Variants in CCDC85A observed in about 807,000 individuals in gnomAD.
The protein encoded by CCDC85A is coiled-coil domain-containing protein 85A.
In CCDC85A, 38 loss-of-function variants were observed where a neutral mutation model predicts 50.2. The observed-to-expected ratio is 0.76, with a 90% CI of 0.58 to 0.99. CCDC85A has a LOEUF of 0.99. Ranked by LOEUF, CCDC85A falls within the 50% of genes least tolerant of loss-of-function variation. The pLI is 0.00. For missense variants in CCDC85A, 820 were observed against 742.0 expected (o/e 1.11, Z -1.22); for synonymous variants, 366 against 301.4 (o/e 1.21, Z -2.22).
intron 2 of CCDC85A, among the ~76,000 whole-genome samples, chr2:56,243,804 A>T (rs1230597352): frequency 6.6e-6 from 1 of 152,104 alleles, no homozygotes; most frequent in Non-Finnish European, 1.5e-5. Flanking sequence ...ATTTGAAGGG[A>T]CCTTGGTATT....
intron 2 of CCDC85A, among the ~76,000 whole-genome samples, chr2:56,203,697 G>A (rs796386270): frequency 2.0e-5 from 3 of 152,194 alleles, no homozygotes; most frequent in African/African-American, 7.2e-5. Flanking sequence ...TCACCCATAT[G>A]TTAAGGTAAT....
chr2:56,197,935 C>G (rs1167506362), intron 2 of CCDC85A, among the ~76,000 whole-genome samples: 3 of 152,162 alleles, frequency 2.0e-5, no homozygotes, highest in South Asian at 4.1e-4. Context: ...ACATGAGTTT[C>G]TAACCTATTT....
At chr2:56,218,305 T>G (rs1331843176) in intron 2 of CCDC85A, among the ~76,000 whole-genome samples, 2 of 151,874 alleles carry the variant, frequency 1.3e-5, no homozygotes, top group African/African-American at 4.8e-5. Flanking sequence ...GAATAAGTTT[T>G]GTAGTTCTCT....
intron 2 of CCDC85A, among the ~76,000 whole-genome samples, chr2:56,335,209 G>T (rs1299780223): frequency 6.6e-6 from 1 of 152,084 alleles, no homozygotes; most frequent in African/African-American, 2.4e-5. Context: ...CTTGCCTGAA[G>T]AAGAAAAACA....
chr2:56,186,471 A>G (rs942244941), intron 1 of CCDC85A, among the ~76,000 whole-genome samples: 4 of 152,194 alleles, frequency 2.6e-5, no homozygotes, highest in Non-Finnish European at 5.9e-5. Flanking sequence ...TGACTATAAA[A>G]TGGTAGTTAC....
chr2:56,351,284 C>T (rs1192895368), intron 3 of CCDC85A, among the ~76,000 whole-genome samples: 1 of 152,012 alleles, frequency 6.6e-6, no homozygotes, highest in African/African-American at 2.4e-5. Flanking sequence ...CAAGTCTTTG[C>T]TATTGTGAAT....
At chr2:56,345,519 C>T (rs1486097347) in intron 3 of CCDC85A, among the ~76,000 whole-genome samples, 1 of 152,172 alleles carries the variant, frequency 6.6e-6, no homozygotes, top group Non-Finnish European at 1.5e-5. Context: ...AACAGGATTT[C>T]TGTTAAATTT....
Position 56,378,280 on chromosome 2 carries a change from G to T in CCDC85A, c.1572+2345G>T, listed in dbSNP as rs376896947. On this transcript the variant is annotated intron_variant, in intron 5 of 5. Coordinates refer to ENST00000407595, the MANE Select transcript of CCDC85A (RefSeq NM_001080433.2). ...TGATAGATTTTATAGAAAACGCTAG[G>T]CTTTATAAAATCTGTGGTCATGGTT... 1.7e-4 allele frequency among the ~76,000 whole-genome samples: 26 copies of T among 148,724 alleles called. No individual in the cohort carries two copies. The East Asian group carries it at 5.0e-3, about 29-fold the overall frequency.
chr2:56,199,942 C>G (rs575007129), intron 2 of CCDC85A, among the ~76,000 whole-genome samples: 1 of 152,292 alleles, frequency 6.6e-6, no homozygotes, highest in Non-Finnish European at 1.5e-5. Flanking sequence ...AGTCTTGGCT[C>G]ACTGCAACCT....
chr2:56,310,551 C>A (rs923981345), intron 2 of CCDC85A, among the ~76,000 whole-genome samples: 1 of 152,008 alleles, frequency 6.6e-6, no homozygotes, highest in Non-Finnish European at 1.5e-5. Flanking sequence ...TATTAGGAAC[C>A]AAGTCAGTCC....
intron 3 of CCDC85A, among the ~76,000 whole-genome samples, chr2:56,369,878 GT>G (rs1675987926): frequency 6.6e-6 from 1 of 151,974 alleles, no homozygotes; most frequent in Admixed American, 6.6e-5. Context: ...AGTTTCCAGA[GT>G]TTTCAAGGAA....
intron 3 of CCDC85A, among the ~76,000 whole-genome samples, chr2:56,363,310 C>T (rs1675628631): frequency 6.6e-6 from 1 of 152,148 alleles, no homozygotes; most frequent in Non-Finnish European, 1.5e-5. Context: ...GCAAAGGCTA[C>T]ACTGCCTGGA....
At chr2:56,365,351 T>A (rs1675737921) in intron 3 of CCDC85A, among the ~76,000 whole-genome samples, 1 of 152,180 alleles carries the variant, frequency 6.6e-6, no homozygotes, top group African/African-American at 2.4e-5. Context: ...GTGGAGAAGG[T>A]CAAATGAGCA....
chr2:56,345,607 A>G (rs1186835011), intron 3 of CCDC85A, among the ~76,000 whole-genome samples: 2 of 152,206 alleles, frequency 1.3e-5, no homozygotes, highest in African/African-American at 2.4e-5. Flanking sequence ...TATAAATACA[A>G]ACTAACATGA....
chr2:56,305,116 T>A (rs984570565), intron 2 of CCDC85A, among the ~76,000 whole-genome samples: 8 of 146,860 alleles, frequency 5.4e-5, no homozygotes, highest in African/African-American at 1.6e-4. Flanking sequence ...AAAAAAAAAA[T>A]ATAGGATATT....
chr2:56,302,297 T>G (rs1365931571), intron 2 of CCDC85A, among the ~76,000 whole-genome samples: 6 of 152,096 alleles, frequency 3.9e-5, no homozygotes, highest in Non-Finnish European at 8.8e-5. Flanking sequence ...AATAAGATCA[T>G]AAATAGATCT....
intron 3 of CCDC85A, among the ~76,000 whole-genome samples, chr2:56,367,326 A>G (rs1482052746): frequency 2.0e-5 from 3 of 152,102 alleles, no homozygotes; most frequent in African/African-American, 7.2e-5. Context: ...GGGGGTGGAA[A>G]TGTGGCTGCC....
At chr2:56,253,568 T>A (rs1329544868) in intron 2 of CCDC85A, among the ~76,000 whole-genome samples, 2 of 152,042 alleles carry the variant, frequency 1.3e-5, no homozygotes, top group Non-Finnish European at 2.9e-5. Flanking sequence ...AAGAGATCAC[T>A]CAGAGAGGAG....
intron 2 of CCDC85A, among the ~76,000 whole-genome samples, chr2:56,323,542 C>G (rs1386507256): frequency 3.9e-5 from 6 of 151,956 alleles, no homozygotes. Flanking sequence ...CCAAATGCCC[C>G]CCTTGTTGAT....
Sources: allele counts gnomAD v4.1 joint callset (sites outside exome capture counted in the v4.1 genomes callset), GRCh38; gene constraint gnomAD v4.1.1; transcripts MANE v1.5; gene names NCBI Gene and HGNC (gene_info 2026-07-23, HGNC 2026-07-21).